GRM1: variants seen among roughly 807,000 people sequenced by gnomAD.
GRM1 encodes metabotropic glutamate receptor 1.
GRM1 carries 33 observed loss-of-function variants against 90.9 expected under a neutral mutation model. The observed-to-expected ratio is 0.36, with a 90% CI of 0.28 to 0.49. The LOEUF (loss-of-function observed/expected upper bound fraction) is 0.49. Among genes scored for constraint, GRM1 ranks in the 20% least tolerant of loss-of-function variants. The pLI is 0.99. For synonymous variants in GRM1, 700 were observed against 613.2 expected (o/e 1.14, Z -2.09); for missense variants, 1,190 against 1,534.3 (o/e 0.78, Z 3.75).
chr6:146,119,022 T>A (rs1362612235), intron 1 of GRM1, among the ~76,000 whole-genome samples: 3 of 152,220 alleles, frequency 2.0e-5, no homozygotes, highest in South Asian at 2.1e-4. Context: ...CCACACTGAC[T>A]TCCACAATGG....
At chr6:146,296,873 C>T (rs917321772) in intron 2 of GRM1, among the ~76,000 whole-genome samples, 1 of 152,102 alleles carries the variant, frequency 6.6e-6, no homozygotes, top group African/African-American at 2.4e-5. Context: ...TCAAATATCC[C>T]AGTTTTCTGT....
intron 7 of GRM1, among the ~76,000 whole-genome samples, chr6:146,417,071 C>A (rs1307227019): frequency 1.3e-5 from 2 of 152,122 alleles, no homozygotes; most frequent in African/African-American, 2.4e-5. Context: ...GTGAATGTAT[C>A]AAAAATTTTC....
intron 1 of GRM1, among the ~76,000 whole-genome samples, chr6:146,059,992 T>C (rs1404609646): frequency 6.6e-6 from 1 of 152,178 alleles, no homozygotes; most frequent in Non-Finnish European, 1.5e-5. Context: ...TTAACAGCAA[T>C]AAGGCTGTTT....
intron 5 of GRM1, among the ~76,000 whole-genome samples, chr6:146,360,413 T>C (rs1307140454): frequency 6.6e-6 from 1 of 152,160 alleles, no homozygotes; most frequent in Non-Finnish European, 1.5e-5. Flanking sequence ...CTTTTTATTG[T>C]TGTGTGTAAC....
At chr6:146,121,288 C>T (rs546453816) in intron 1 of GRM1, among the ~76,000 whole-genome samples, 2 of 152,220 alleles carry the variant, frequency 1.3e-5, no homozygotes, top group South Asian at 4.1e-4. Context: ...GTGCTATCCC[C>T]TTTATCATTT....
intron 2 of GRM1, among the ~76,000 whole-genome samples, chr6:146,204,625 T>C (rs1779431441): frequency 6.6e-6 from 1 of 152,210 alleles, no homozygotes; most frequent in South Asian, 2.1e-4. Context: ...TTCTTGAAAT[T>C]TATGATGATT....
intron 1 of GRM1, among the ~76,000 whole-genome samples, chr6:146,062,636 T>C (rs1307055824): frequency 6.6e-6 from 1 of 152,148 alleles, no homozygotes; most frequent in Non-Finnish European, 1.5e-5. Context: ...AAATTTTGTT[T>C]TATTTTCTCA....
intron 7 of GRM1, among the ~76,000 whole-genome samples, chr6:146,433,405 G>A (rs894667800): frequency 2.0e-5 from 3 of 152,144 alleles, no homozygotes; most frequent in African/African-American, 7.2e-5. Context: ...AACACAACGA[G>A]AGTAGCTTTG....
intron 2 of GRM1, among the ~76,000 whole-genome samples, chr6:146,298,295 G>T (rs1248660260): frequency 1.3e-5 from 2 of 152,006 alleles, no homozygotes; most frequent in African/African-American, 4.8e-5. Context: ...TACAGAAATT[G>T]TGCATAGCTC....
At chr6:146,407,748 C>G (rs1039359330) in intron 7 of GRM1, among the ~76,000 whole-genome samples, 15 of 152,106 alleles carry the variant, frequency 9.9e-5, no homozygotes, top group African/African-American at 3.4e-4. Context: ...GGATAAAAAT[C>G]ACTTATTTTT....
rs1370822648 is a variant in GRM1, at chr6:146,029,572, C to G, written c.55C>G (p.Leu19Val). The change falls in exon 1 of 8, where the codon CTC (leucine) becomes GTC (valine). Residue 19 changes from leucine to valine, a missense_variant. Leu to Val is a conservative substitution (Grantham distance 32). This residue lies in a region of GRM1 where 44 missense variants were observed against 35.8 expected (regional missense o/e 1.23). Coordinates refer to ENST00000282753, the MANE Select transcript of GRM1 (RefSeq NM_001278064.2). Reference sequence around the variant, plus strand: ...AGCGATCTTTTTGGAGGTGTCCCTTCTCCCCAGAAGCCCCGGCAGGAAAGT... The same window carrying G: ...AGCGATCTTTTTGGAGGTGTCCCTTGTCCCCAGAAGCCCCGGCAGGAAAGT... ...FPAIFLEVSL[L>V]PRSPGRKVLL... is the part of the protein sequence containing the mutation. The G allele has an allele frequency of 6.2e-7, 1 of 1,614,122 alleles. No homozygotes were observed. The highest frequency in any genetic ancestry group is 1.7e-5 in the Admixed American group (1 of 60,020).
At chr6:146,376,546 A>T (rs1007794851) in intron 5 of GRM1, among the ~76,000 whole-genome samples, 4 of 151,894 alleles carry the variant, frequency 2.6e-5, no homozygotes, top group African/African-American at 9.7e-5. Context: ...TTTTCATCAA[A>T]TATACTATTC....
intron 1 of GRM1, among the ~76,000 whole-genome samples, chr6:146,122,927 C>G (rs1402204422): frequency 7.3e-6 from 1 of 137,186 alleles, no homozygotes; most frequent in South Asian, 2.4e-4. Context: ...TCACTGCAAC[C>G]TTTGCCTCCT....
rs77733905 is a variant in GRM1 at position 146,315,130 on chromosome 6, G to C, written c.1186+10284G>C. 3.3e-3 allele frequency among the ~76,000 whole-genome samples: 503 copies of C among 152,240 alleles called. 7 individuals are homozygous for C. Among genetic ancestry groups the C allele is most frequent in the Non-Finnish European group, 4.7e-3 (317 of 68,016 alleles). On this transcript the variant is annotated intron_variant, in intron 3 of 7. Transcript: ENST00000282753. ...TTGTCAAACTTCACACCAATGAGCT[G>C]TGTGAGGCCAGGAGTTCAAGACCAG... is the stretch of plus-strand genomic sequence containing the variant.
At chr6:146,325,227 A>T (rs1370135751) in intron 3 of GRM1, among the ~76,000 whole-genome samples, 13 of 152,180 alleles carry the variant, frequency 8.5e-5, no homozygotes, top group African/African-American at 2.4e-4. Flanking sequence ...TATTTTCATC[A>T]TAAGAGGGAC....
At chr6:146,249,212 A>G (rs932915631) in intron 2 of GRM1, among the ~76,000 whole-genome samples, 1 of 152,188 alleles carries the variant, frequency 6.6e-6, no homozygotes, top group Non-Finnish European at 1.5e-5. Flanking sequence ...CCTGCTGCAG[A>G]AATATTCCTA....
At chr6:146,362,418 G>A (rs912755096) in intron 5 of GRM1, among the ~76,000 whole-genome samples, 6 of 152,060 alleles carry the variant, frequency 3.9e-5, no homozygotes, top group South Asian at 2.1e-4. Context: ...GGTGGCTCAC[G>A]CCTGTAATCC....
At chr6:146,031,765 T>C (rs1314038209) in intron 1 of GRM1, among the ~76,000 whole-genome samples, 3 of 152,162 alleles carry the variant, frequency 2.0e-5, no homozygotes, top group Non-Finnish European at 2.9e-5. Flanking sequence ...GTTTCTTTAG[T>C]GCTTGCTTAA....
chr6:146,177,166 A>G (rs561868272), intron 2 of GRM1, among the ~76,000 whole-genome samples: 1 of 152,226 alleles, frequency 6.6e-6, no homozygotes, highest in Admixed American at 6.5e-5. Flanking sequence ...CAGCAAAGTA[A>G]AGTAAGTGAG....
Sources: allele counts gnomAD v4.1 joint callset (sites outside exome capture counted in the v4.1 genomes callset), GRCh38; gene constraint gnomAD v4.1.1; regional missense constraint gnomAD v4.1.1; transcripts MANE v1.5; gene names NCBI Gene and HGNC (gene_info 2026-07-23, HGNC 2026-07-21).